REPS2: variants seen among roughly 807,000 people sequenced by gnomAD.
The protein encoded by REPS2 is ralBP1-associated Eps domain-containing protein 2.
A neutral mutation model predicts 53.6 loss-of-function variants in REPS2; 23 were observed. The observed-to-expected ratio is 0.43, with a 90% CI of 0.31 to 0.61. The LOEUF (loss-of-function observed/expected upper bound fraction) is 0.61. Ranked by LOEUF, REPS2 falls within the 20% of genes least tolerant of loss-of-function variation. REPS2 has a pLI of 0.11. For synonymous variants in REPS2, 238 were observed against 218.6 expected, an observed-to-expected ratio of 1.09 and a Z score of -0.78; for missense variants, 446 against 534.9, an observed-to-expected ratio of 0.83 and a Z score of 1.64.
intron 8 of REPS2, among the ~76,000 whole-genome samples, chrX:17,059,075 A>G (rs1347604710): frequency 9.7e-6 from 1 of 102,898 alleles, no homozygotes; most frequent in Non-Finnish European, 2.0e-5. Flanking sequence ...CAGTGGTGCA[A>G]TCTCGGCTCA....
intron 17 of REPS2, among the ~76,000 whole-genome samples, chrX:17,143,881 T>C (rs187637353): frequency 1.8e-5 from 2 of 112,200 alleles, no homozygotes; most frequent in East Asian, 5.6e-4. Flanking sequence ...CTGAATAGTT[T>C]GTGTTTGTTG....
At chrX:17,169,467 C>T in the REPS2 span, among the ~76,000 whole-genome samples, 1 of 111,142 alleles carries the variant, frequency 9.0e-6, no homozygotes, top group Non-Finnish European at 1.9e-5. Context: ...ATCACTTGAG[C>T]CCAGGAGTTT....
At chrX:16,949,609 T>C (rs747138608) in intron 1 of REPS2, among the ~76,000 whole-genome samples, 6 of 112,025 alleles carry the variant, frequency 5.4e-5, no homozygotes, top group Non-Finnish European at 1.1e-4. Context: ...CGTTTTGCCA[T>C]GTTGGCCAGG....
chrX:17,081,241 A>T (rs751536542), intron 13 of REPS2, among the ~76,000 whole-genome samples: 2 of 111,931 alleles, frequency 1.8e-5, no homozygotes, highest in East Asian at 5.6e-4. Flanking sequence ...AAGTGGAGTG[A>T]TAGTGTGGAA....
At chrX:17,099,836 G>A in intron 13 of REPS2, 1 of 590,819 alleles carries the variant, frequency 1.7e-6, no homozygotes, top group Non-Finnish European at 3.0e-6. Context: ...CCTCATAGAA[G>A]GATATGACAA....
At chrX:16,990,155 A>AG (rs1260735690) in intron 1 of REPS2, among the ~76,000 whole-genome samples, 1 of 112,094 alleles carries the variant, frequency 8.9e-6, no homozygotes, top group East Asian at 2.8e-4. Context: ...ATCTCCAGAG[A>AG]ATTATGCCGA....
At chrX:17,011,004 G>A (rs1198767869) in intron 2 of REPS2, among the ~76,000 whole-genome samples, 2 of 111,223 alleles carry the variant, frequency 1.8e-5, no homozygotes, top group African/African-American at 6.6e-5. Context: ...TTTGTATGGA[G>A]ACATGTTTAA....
chrX:17,052,311 AT>A, intron 6 of REPS2, 70 bp from the exon 7 acceptor site: 1 of 872,354 alleles, frequency 1.1e-6, no homozygotes, highest in East Asian at 3.2e-5. Context: ...ATTGTGATTC[AT>A]TTGTATATAA....
At chrX:17,110,542 A>T in intron 14 of REPS2, among the ~76,000 whole-genome samples, 1 of 106,428 alleles carries the variant, frequency 9.4e-6, no homozygotes. Context: ...AAAAACAAAA[A>T]TTAGCCGGGC....
At chrX:17,088,735 C>G (rs1418626062) in intron 13 of REPS2, among the ~76,000 whole-genome samples, 4 of 109,567 alleles carry the variant, frequency 3.7e-5, no homozygotes, top group Non-Finnish European at 7.6e-5. Flanking sequence ...AGGTGCCCAC[C>G]ACCACGCCTG....
chrX:17,186,879 C>T, the REPS2 span, among the ~76,000 whole-genome samples: 31 of 110,193 alleles, frequency 2.8e-4, no homozygotes, highest in Non-Finnish European at 2.8e-4. Context: ...GTACCTAAGA[C>T]ACATTAAAAT....
chrX:16,968,496 C>T (rs1283533141), intron 1 of REPS2, among the ~76,000 whole-genome samples: 7 of 105,282 alleles, frequency 6.6e-5, no homozygotes, highest in East Asian at 3.1e-4. Flanking sequence ...CCCTCCCGGA[C>T]GGGGCGGCTG....
the REPS2 span, among the ~76,000 whole-genome samples, chrX:17,184,848 CTGTT>C: frequency 1.8e-5 from 2 of 112,054 alleles, no homozygotes; most frequent in Non-Finnish European, 1.9e-5. Context: ...TGTCTGTTCT[CTGTT>C]TGTTTCTTTT....
intron 1 of REPS2, among the ~76,000 whole-genome samples, chrX:16,961,169 T>C (rs1192983356): frequency 2.7e-5 from 3 of 111,612 alleles, no homozygotes; most frequent in Non-Finnish European, 5.7e-5. Flanking sequence ...AAAAACAAGG[T>C]TGGAGGCATC....
intron 1 of REPS2, among the ~76,000 whole-genome samples, chrX:16,980,388 C>T (rs544128554): frequency 4.4e-4 from 48 of 110,166 alleles, no homozygotes; most frequent in African/African-American, 6.9e-4. Flanking sequence ...CTGCAACCTC[C>T]GCCTCCCAGG....
At chrX:17,181,441 C>G in the REPS2 span, among the ~76,000 whole-genome samples, 1 of 112,047 alleles carries the variant, frequency 8.9e-6, no homozygotes, top group African/African-American at 3.2e-5. Context: ...ATGGGGCTTG[C>G]TACTACAGGA....
chrX:17,083,077 C>G (rs1482811379), intron 13 of REPS2, among the ~76,000 whole-genome samples: 2 of 80,582 alleles, frequency 2.5e-5, no homozygotes, highest in Non-Finnish European at 4.6e-5. Context: ...GTTCCGAGCA[C>G]TTTTTTTTTT....
the REPS2 span, among the ~76,000 whole-genome samples, chrX:17,173,824 A>C: frequency 2.7e-5 from 3 of 111,807 alleles, no homozygotes; most frequent in African/African-American, 9.8e-5. Flanking sequence ...CATTTTCACA[A>C]ATTATAAAAG....
At chrX:17,017,903 AT>A (rs1201996543) in intron 2 of REPS2, among the ~76,000 whole-genome samples, 2 of 112,024 alleles carry the variant, frequency 1.8e-5, no homozygotes, top group Admixed American at 9.5e-5. Flanking sequence ...ATGAAAAAAA[AT>A]GTAAAATATT....
Sources: allele counts gnomAD v4.1 joint callset (sites outside exome capture counted in the v4.1 genomes callset), GRCh38; gene constraint gnomAD v4.1.1; transcripts MANE v1.5; gene names NCBI Gene and HGNC (gene_info 2026-07-23, HGNC 2026-07-21).